SUMF1: variants seen among roughly 807,000 people sequenced by gnomAD.
The protein encoded by SUMF1 is sulfatase modifying factor 1.
SUMF1 carries 48 observed loss-of-function variants against 47.6 expected under a neutral mutation model. That is an observed-to-expected ratio of 1.01 (90% CI 0.80 to 1.28). SUMF1 has a LOEUF of 1.28. Among genes scored for constraint, SUMF1 ranks in the 50% most tolerant of loss-of-function variants. The probability of loss-of-function intolerance (pLI) is 0.00; values close to 1 mark genes in which losing one functional copy is unlikely to be tolerated. For missense variants in SUMF1, 571 were observed against 485.4 expected, an observed-to-expected ratio of 1.18 and a Z score of -1.66; for synonymous variants, 230 against 192.1, an observed-to-expected ratio of 1.20 and a Z score of -1.63.
At chr3:4,253,431 G>A (rs313672) in intron 8 of SUMF1, among the ~76,000 whole-genome samples, 25,275 of 152,188 alleles carry the variant, frequency 0.17, 2,422 homozygotes, top group South Asian at 0.38. Flanking sequence ...GAAGCAGGGC[G>A]AGGCATTGCC....
At chr3:4,344,774 T>G (rs985352834) in intron 8 of SUMF1, among the ~76,000 whole-genome samples, 14 of 152,098 alleles carry the variant, frequency 9.2e-5, no homozygotes, top group Non-Finnish European at 1.8e-4. Flanking sequence ...GCAAAGAAGC[T>G]AAGAACCTTG....
At chr3:4,173,368 TGTCA>T (rs1415403800) in intron 8 of SUMF1, among the ~76,000 whole-genome samples, 1 of 152,134 alleles carries the variant, frequency 6.6e-6, no homozygotes, top group African/African-American at 2.4e-5. Flanking sequence ...ATCGTTAAAA[TGTCA>T]GGAAACAACA....
chr3:4,421,917 CCT>C (rs1488448135), intron 3 of SUMF1, among the ~76,000 whole-genome samples: 1 of 152,154 alleles, frequency 6.6e-6, no homozygotes, highest in Non-Finnish European at 1.5e-5. Flanking sequence ...AGAATATGTC[CCT>C]GCTAACAATT....
intron 8 of SUMF1, among the ~76,000 whole-genome samples, chr3:4,341,273 A>G (rs1699267372): frequency 6.6e-6 from 1 of 152,206 alleles, no homozygotes; most frequent in African/African-American, 2.4e-5. Flanking sequence ...GTTGGCATAA[A>G]GAAGAATATG....
At chr3:4,132,500 A>T (rs1393083559) in intron 8 of SUMF1, among the ~76,000 whole-genome samples, 1 of 152,134 alleles carries the variant, frequency 6.6e-6, no homozygotes, top group Non-Finnish European at 1.5e-5. Flanking sequence ...TTTCTCCCAT[A>T]GCCAGGATTC....
intron 8 of SUMF1, among the ~76,000 whole-genome samples, chr3:4,201,823 T>C (rs1695546531): frequency 1.3e-5 from 2 of 152,004 alleles, no homozygotes; most frequent in Non-Finnish European, 2.9e-5. Context: ...GCCATTTTAA[T>C]TGGGGTGAGA....
chr3:4,354,158 AT>A (rs375667746), intron 8 of SUMF1, among the ~76,000 whole-genome samples: 40 of 152,288 alleles, frequency 2.6e-4, no homozygotes, highest in African/African-American at 9.1e-4. Flanking sequence ...CCCAGCCCCC[AT>A]CTTGATTTTT....
intron 6 of SUMF1, chr3:4,414,602 A>G (rs1701648323): frequency 6.6e-6 from 1 of 152,214 alleles, no homozygotes; most frequent in Non-Finnish European, 1.5e-5. Context: ...TGTTTGTCAA[A>G]TTGGTTCCTT....
At chr3:4,425,068 T>C (rs940527782) in intron 3 of SUMF1, among the ~76,000 whole-genome samples, 3 of 152,322 alleles carry the variant, frequency 2.0e-5, no homozygotes, top group South Asian at 4.1e-4. Flanking sequence ...AAATGTCCTC[T>C]GAGGAGAGCA....
chr3:4,429,408 C>T (rs1206674672), intron 3 of SUMF1, among the ~76,000 whole-genome samples: 1 of 152,156 alleles, frequency 6.6e-6, no homozygotes, highest in Non-Finnish European at 1.5e-5. Context: ...AGTTGGAATG[C>T]CATCTGATTG....
intron 8 of SUMF1, among the ~76,000 whole-genome samples, chr3:4,186,730 T>G (rs763161326): frequency 3.9e-5 from 6 of 152,150 alleles, no homozygotes; most frequent in African/African-American, 7.2e-5. Context: ...AAATGCAAAT[T>G]CACTATTTAA....
At chr3:4,075,209 A>C (rs1390929728) in intron 8 of SUMF1, among the ~76,000 whole-genome samples, 2 of 152,140 alleles carry the variant, frequency 1.3e-5, no homozygotes, top group Non-Finnish European at 2.9e-5. Flanking sequence ...AATAAACATA[A>C]TCCATCACAT....
At chr3:4,211,234 A>C (rs567558267) in intron 8 of SUMF1, among the ~76,000 whole-genome samples, 1 of 132,304 alleles carries the variant, frequency 7.6e-6, no homozygotes, top group African/African-American at 2.9e-5. Context: ...ATATCCTATT[A>C]GTTCTGTTTC....
intron 9 of SUMF1, among the ~76,000 whole-genome samples, chr3:4,046,533 T>C (rs1285631534): frequency 6.6e-6 from 1 of 152,124 alleles, no homozygotes; most frequent in Middle Eastern, 3.2e-3. Flanking sequence ...TTCGTCTCAA[T>C]AAATGTCACT....
chr3:4,245,856 C>A (rs1427695445), intron 8 of SUMF1, among the ~76,000 whole-genome samples: 1 of 152,200 alleles, frequency 6.6e-6, no homozygotes, highest in African/African-American at 2.4e-5. Context: ...GAGGTGGAAT[C>A]TAGAGAGGCA....
intron 8 of SUMF1, among the ~76,000 whole-genome samples, chr3:4,152,358 G>T (rs1465456491): frequency 6.6e-6 from 1 of 151,484 alleles, no homozygotes; most frequent in Non-Finnish European, 1.5e-5. Context: ...TGCAATCTCA[G>T]CTCACTGCAA....
chr3:4,054,675 C>T (rs1695162322), intron 9 of SUMF1, among the ~76,000 whole-genome samples: 1 of 152,142 alleles, frequency 6.6e-6, no homozygotes, highest in African/African-American at 2.4e-5. Context: ...GTGCTCAATG[C>T]AGATATCAAC....
intron 8 of SUMF1, among the ~76,000 whole-genome samples, chr3:4,184,751 C>T (rs747989615): frequency 2.0e-5 from 3 of 150,954 alleles, no homozygotes; most frequent in African/African-American, 4.9e-5. Flanking sequence ...CGGGTTCAAG[C>T]GATCCTCCTG....
At chr3:4,275,943 A>C (rs1697405642) in intron 8 of SUMF1, among the ~76,000 whole-genome samples, 1 of 152,180 alleles carries the variant, frequency 6.6e-6, no homozygotes, top group African/African-American at 2.4e-5. Flanking sequence ...GATCATTAAA[A>C]AATATTTTTT....
Sources: gnomAD v4.1 joint callset for allele counts (sites outside exome capture counted in the v4.1 genomes callset) on GRCh38, gnomAD v4.1.1 for gene constraint, MANE v1.5 for transcripts, NCBI Gene and HGNC (gene_info 2026-07-23, HGNC 2026-07-21) for gene names.